Variants in CLN6 observed in about 807,000 individuals in gnomAD.
CLN6 encodes ceroid-lipofuscinosis neuronal protein 6.
A neutral mutation model predicts 33.3 loss-of-function variants in CLN6; 22 were observed. That is an observed-to-expected ratio of 0.66 (90% CI 0.47 to 0.94). The LOEUF (loss-of-function observed/expected upper bound fraction) is 0.94, where lower values mean the gene tolerates loss of function less well. Among genes scored for constraint, CLN6 ranks in the 40% least tolerant of loss-of-function variants. The pLI, the probability that CLN6 is intolerant of heterozygous loss-of-function variation, is 0.00. For synonymous variants in CLN6, 201 were observed against 174.6 expected (o/e 1.15, Z -1.19); for missense variants, 387 against 417.1 (o/e 0.93, Z 0.63).
intron 1 of CLN6, among the ~76,000 whole-genome samples, chr15:68,253,037 C>T (rs145745778): frequency 5.6e-4 from 86 of 152,294 alleles, no homozygotes; most frequent in Non-Finnish European, 1.0e-3. Flanking sequence ...TTTCATGTTG[C>T]ATTTGTTCTT....
In CLN6 at chr15:68,229,525, C is replaced by G; in HGVS notation, c.60G>C (p.Leu20=). The change falls in exon 1 of 7, where the codon CTG becomes CTC. Residue 20 remains leucine (L), a synonymous_variant. Transcript: ENST00000249806. ...ACCTGGCCTGCAGGAAGGAGGCGCC[C>G]AGCTGCGCGCCTGGGCCGCCCGTCG... ...LGATGGPGAQ[L]GASFLQARHG... 1.4e-6 allele frequency: 2 copies of G among 1,467,268 alleles called. No individual in the cohort carries two copies. The highest frequency in any genetic ancestry group is 1.5e-5 in the African/African-American group (1 of 68,020). 90.9% of individuals were successfully genotyped at this position (1,467,268 alleles called of 1,614,324 possible). A position where few individuals can be genotyped will look rare whatever the true frequency, so the allele number is the denominator to read the frequency against.
In CLN6 at chr15:68,228,905, C is replaced by A. The variant is rs1349197135; in HGVS notation, c.83+597G>T. Among the ~76,000 whole-genome samples, 1 of 152,178 alleles carries A rather than the reference C, an allele frequency of 6.6e-6. No individual in the cohort carries two copies. Among genetic ancestry groups the A allele is most frequent in the Non-Finnish European group, 1.5e-5 (1 of 68,012 alleles). On this transcript the variant is annotated intron_variant, in intron 1 of 6. Transcript: ENST00000249806. The surrounding 1 kb of genome is among the most constrained non-coding windows in gnomAD (Gnocchi z 4.4). ...CGAAGGTAGAATGGAGCTCTGCTCG[C>A]CCAACGAGATAAACCAAAAACTGAG...
chr15:68,210,063 C>T lies in CLN6; in HGVS notation c.543-304G>A, dbSNP rs922711998. Among the ~76,000 whole-genome samples the T allele has an allele frequency of 5.3e-5, 8 of 152,216 alleles. No homozygotes were observed. The highest frequency in any genetic ancestry group is 3.9e-4 in the East Asian group (2 of 5,164). On this transcript the variant is annotated intron_variant, in intron 5 of 6. Transcript: ENST00000249806. This position sits in a 1 kb window ranked among gnomAD's most constrained non-coding sequence, Gnocchi z 5.6. ...CTGGGGGGTTGTCTGTCTCATGCACCGCAGACACCAGCAGCCCAGCACCAC... is the reference window on the plus strand; with the variant it reads ...CTGGGGGGTTGTCTGTCTCATGCACTGCAGACACCAGCAGCCCAGCACCAC...
In CLN6 at chr15:68,227,243, T is replaced by C. The variant is rs956750799; in HGVS notation, c.83+2259A>G. On this transcript the variant is annotated intron_variant, in intron 1 of 6. Transcript: ENST00000249806. The surrounding 1 kb of genome is among the most constrained non-coding windows in gnomAD (Gnocchi z 4.1). Reference sequence around the variant, plus strand: ...TAGTAGAGACGGGGATTCTCCATGTTGGCCAGGCTGGTCTCGAACTCCTGG... The same window carrying C: ...TAGTAGAGACGGGGATTCTCCATGTCGGCCAGGCTGGTCTCGAACTCCTGG... Among the ~76,000 whole-genome samples, 5 of 152,070 alleles carry C rather than the reference T, an allele frequency of 3.3e-5. No homozygotes were observed. The East Asian group carries it at 9.7e-4, about 29-fold the overall frequency.
At position 68,210,381 on chromosome 15, in the gene CLN6, A is replaced by G. The variant is rs1443770588; in HGVS notation, c.543-622T>C. Among the ~76,000 whole-genome samples the G allele has an allele frequency of 6.6e-6, 1 of 151,786 alleles. No individual in the cohort carries two copies. The highest frequency in any genetic ancestry group is 1.5e-5 in the Non-Finnish European group (1 of 67,900). ...TTCCTAGCCCCTCCACCCTTCCCCA[A>G]CCTTCTGTGGGAAGAGGCTCTGGCA... On this transcript the variant is annotated intron_variant, in intron 5 of 6. Coordinates refer to ENST00000249806, the MANE Select transcript of CLN6 (RefSeq NM_017882.3). The surrounding 1 kb of genome is among the most constrained non-coding windows in gnomAD (Gnocchi z 5.6).
At chr15:68,217,704 C>G (rs142765691) in intron 2 of CLN6, among the ~76,000 whole-genome samples, 2 of 152,142 alleles carry the variant, frequency 1.3e-5, no homozygotes, top group Non-Finnish European at 2.9e-5. Context: ...TCTTTTGGCT[C>G]TATGACTGTG....
rs902451778 is a variant in CLN6, at chr15:68,236,739, G to A, written c.180-18089C>T. On this transcript the variant is annotated intron_variant, in intron 1 of 6. Coordinates refer to the CLN6 transcript ENST00000538696. The surrounding 1 kb of genome is among the most constrained non-coding windows in gnomAD (Gnocchi z 4.5). ...TTCAAAAGGGTGAATTTTATGACAA[G>A]TGAATTTTATCTCAATAAAGCTATT... is the stretch of plus-strand genomic sequence containing the variant. Among the ~76,000 whole-genome samples, 1 of 152,204 alleles carries A rather than the reference G, an allele frequency of 6.6e-6. No individual in the cohort carries two copies. Among genetic ancestry groups the A allele is most frequent in the Non-Finnish European group, 1.5e-5 (1 of 68,020 alleles).
chr15:68,217,141 A>C (rs1227149662), intron 2 of CLN6, among the ~76,000 whole-genome samples: 2 of 152,264 alleles, frequency 1.3e-5, no homozygotes, highest in African/African-American at 4.8e-5. Flanking sequence ...AAATGCATTA[A>C]ACACTTATTG....
chr15:68,254,844 A>T (rs1892417787), intron 1 of CLN6: 1 of 1,136,352 alleles, frequency 8.8e-7, no homozygotes, highest in Admixed American at 1.7e-5. Flanking sequence ...ACCCTGCAGA[A>T]AATGGAGATG....
rs1285823608 is a variant in CLN6, at chr15:68,235,581, A to AAAATAAATAAAT, written c.180-16932_180-16931insATTTATTTATTT. Among the ~76,000 whole-genome samples, 208 of 70,772 alleles carry AAAATAAATAAAT rather than the reference A, an allele frequency of 2.9e-3. 1 individual carries two copies. The highest frequency in any genetic ancestry group is 8.5e-3 in the African/African-American group (168 of 19,716). 46.4% of individuals were successfully genotyped at this position (70,772 alleles called of 152,430 possible). A position where few individuals can be genotyped will look rare whatever the true frequency, so the allele number is the denominator to read the frequency against. On this transcript the variant is annotated intron_variant, in intron 1 of 6. Coordinates refer to the CLN6 transcript ENST00000538696. ...CGAGTCTGTGTCTAAAAAAAAAATA[A>AAAATAAATAAAT]AAATAAATATATATATATATATATA... is the stretch of plus-strand genomic sequence containing the variant.
rs1892340074 is a variant in CLN6, at chr15:68,247,626, A to G, written c.179+9064T>C. Among the ~76,000 whole-genome samples, 1 of 152,218 alleles carries G rather than the reference A, an allele frequency of 6.6e-6. No homozygotes were observed. The highest frequency in any genetic ancestry group is 1.5e-5 in the Non-Finnish European group (1 of 68,046). On this transcript the variant is annotated intron_variant, in intron 1 of 6. Coordinates refer to the CLN6 transcript ENST00000538696. The surrounding 1 kb of genome is among the most constrained non-coding windows in gnomAD (Gnocchi z 4.2). Reference sequence around the variant, plus strand: ...CAAAGCAGATTACAGATTTAATGCAATTGCTATCAAAATACCAATGATGTT... The same window carrying G: ...CAAAGCAGATTACAGATTTAATGCAGTTGCTATCAAAATACCAATGATGTT...
At chr15:68,224,618 C>CAGAA (rs2093246852) in intron 1 of CLN6, among the ~76,000 whole-genome samples, 1 of 104,312 alleles carries the variant, frequency 9.6e-6, no homozygotes, top group Non-Finnish European at 1.8e-5. Flanking sequence ...GACTCTGTCT[C>CAGAA]AAAAAAAAAA....
chr15:68,224,052 A>AAACAAC (rs146628174), intron 1 of CLN6, among the ~76,000 whole-genome samples: 3 of 151,196 alleles, frequency 2.0e-5, no homozygotes, highest in East Asian at 3.9e-4. Context: ...CTCAAAAAGA[A>AAACAAC]AACAACAACA....
chr15:68,217,942 C>T (rs1020048659), intron 2 of CLN6: 11 of 153,840 alleles, frequency 7.2e-5, no homozygotes, highest in Admixed American at 6.4e-4. Flanking sequence ...CCTCCCACTA[C>T]AAGCAAGGGG....
chr15:68,210,305 G>A lies in CLN6; in HGVS notation c.543-546C>T, dbSNP rs956194539. Among the ~76,000 whole-genome samples, 4 of 142,136 alleles carry A rather than the reference G, an allele frequency of 2.8e-5. No homozygotes were observed. The highest frequency in any genetic ancestry group is 4.5e-5 in the Non-Finnish European group (3 of 66,046). The allele number at this position is 142,136 out of a possible 152,430, so 93.2% of individuals were successfully genotyped here. A position where few individuals can be genotyped will look rare whatever the true frequency, so the allele number is the denominator to read the frequency against. On this transcript the variant is annotated intron_variant, in intron 5 of 6. Transcript: ENST00000249806. The surrounding 1 kb of genome is among the most constrained non-coding windows in gnomAD (Gnocchi z 5.6). ...CACCTGTGCTTTCACCAGTATACCC[G>A]CCTGCCTCTTCTCACCCACACCCCC...
At position 68,224,816 on chromosome 15, in the gene CLN6, C is replaced by T. The variant is rs182274331; in HGVS notation, c.83+4686G>A. Among the ~76,000 whole-genome samples, 166 of 152,188 alleles carry T rather than the reference C, an allele frequency of 1.1e-3. 1 individual carries two copies. Among genetic ancestry groups the T allele is most frequent in the African/African-American group, 3.9e-3 (161 of 41,510 alleles). On this transcript the variant is annotated intron_variant, in intron 1 of 6. Transcript: ENST00000249806. ...ACACTGAGCCCCCAGCCTGTGCCAG[C>T]TAGGTCTCAATCACTAGCAAATGCT...
At position 68,256,768 on chromosome 15, in the gene CLN6, C is replaced by G; in HGVS notation, c.101G>C (p.Ser34Thr). 1 of 702,280 alleles carries G rather than the reference C, an allele frequency of 1.4e-6. No homozygotes were observed. The highest frequency in any genetic ancestry group is 2.7e-5 in the East Asian group (1 of 37,284). The allele number at this position is 702,280 out of a possible 1,614,324, so 43.5% of individuals were successfully genotyped here. ...CTGCGCCAGTGGCTTGAAGGCTCGG[C>G]TCAAGCCCGCCTCGCCTCCCTCCCT... is the stretch of plus-strand genomic sequence containing the variant. Residue 34 changes from serine to threonine, a missense_variant, in exon 1 of 7, where the codon AGC (serine) becomes ACC (threonine). Ser to Thr is a moderately conservative substitution (Grantham distance 58). Transcript: ENST00000538696. The surrounding 1 kb of genome is among the most constrained non-coding windows in gnomAD (Gnocchi z 4.1).
rs540991912 is a variant in CLN6 at position 68,246,245 on chromosome 15, C to T, written c.179+10445G>A. Among the ~76,000 whole-genome samples, 5 of 152,264 alleles carry T rather than the reference C, an allele frequency of 3.3e-5. No homozygotes were observed. Among genetic ancestry groups the T allele is most frequent in the East Asian group, 3.9e-4 (2 of 5,184 alleles). The stretch of plus-strand genomic sequence containing the variant: ...TAACTGACGTTTACAGAACATTTCA[C>T]CCAACTGCTGCAGAATACACATTGT... On this transcript the variant is annotated intron_variant, in intron 1 of 6. Transcript: ENST00000538696. This position sits in a 1 kb window ranked among gnomAD's most constrained non-coding sequence, Gnocchi z 4.5.
chr15:68,240,488 C>A (rs891688492), intron 1 of CLN6, among the ~76,000 whole-genome samples: 9 of 152,002 alleles, frequency 5.9e-5, no homozygotes, highest in Non-Finnish European at 1.2e-4. Context: ...GTAATCCCAG[C>A]TATTTGGGAA....
Sources: allele counts gnomAD v4.1 joint callset (sites outside exome capture counted in the v4.1 genomes callset), GRCh38; gene constraint gnomAD v4.1.1; non-coding constraint Gnocchi (gnomAD v3.1); transcripts MANE v1.5; gene names NCBI Gene and HGNC (gene_info 2026-07-23, HGNC 2026-07-21).